Variants in COL26A1 observed in about 807,000 individuals in gnomAD.
COL26A1 encodes the protein collagen type XXVI alpha 1 chain.
A neutral mutation model predicts 59.3 loss-of-function variants in COL26A1; 41 were observed. The observed-to-expected ratio is 0.69, with a 90% CI of 0.54 to 0.90. The LOEUF is 0.90. Ranked by LOEUF, COL26A1 falls within the 40% of genes least tolerant of loss-of-function variation. COL26A1 has a pLI of 0.00. For missense variants in COL26A1, 612 were observed against 602.3 expected, an observed-to-expected ratio of 1.02 and a Z score of -0.17; for synonymous variants, 266 against 256.0, an observed-to-expected ratio of 1.04 and a Z score of -0.37.
chr7:101,442,903 G>T (rs1398148125), intron 2 of COL26A1, among the ~76,000 whole-genome samples: 2 of 152,028 alleles, frequency 1.3e-5, no homozygotes, highest in African/African-American at 4.8e-5. Flanking sequence ...GCACGAGTGT[G>T]CACACGAGTG....
chr7:101,549,623 C>A (rs1487175894), intron 9 of COL26A1, among the ~76,000 whole-genome samples: 1 of 152,216 alleles, frequency 6.6e-6, no homozygotes, highest in Non-Finnish European at 1.5e-5. Context: ...CTCAAGTAAT[C>A]CATCCGCCTC....
intron 1 of COL26A1, among the ~76,000 whole-genome samples, chr7:101,370,558 G>T (rs1054501570): frequency 9.9e-5 from 15 of 151,862 alleles, no homozygotes; most frequent in Non-Finnish European, 1.9e-4. Flanking sequence ...TTTTAGAAGA[G>T]ATGGGGTTTT....
intron 3 of COL26A1, among the ~76,000 whole-genome samples, chr7:101,472,247 C>T (rs940483823): frequency 6.6e-6 from 1 of 152,192 alleles, no homozygotes; most frequent in Non-Finnish European, 1.5e-5. Flanking sequence ...CTCAAGCAAT[C>T]TGCCGACCTT....
chr7:101,417,709 GATATCT>G (rs1562969498), intron 1 of COL26A1, among the ~76,000 whole-genome samples: 1 of 116,990 alleles, frequency 8.5e-6, no homozygotes, highest in African/African-American at 4.5e-5. Flanking sequence ...TATATCTATA[GATATCT>G]ATATCTATAA....
chr7:101,521,796 C>T (rs1859631), intron 3 of COL26A1, among the ~76,000 whole-genome samples: 3,064 of 152,178 alleles, frequency 0.02, 110 homozygotes, highest in African/African-American at 0.069. Flanking sequence ...ACTCTCCCCA[C>T]GGGTAACCAC....
chr7:101,520,662 A>ACACACACACACACACACACACAC (rs915256077), intron 3 of COL26A1, among the ~76,000 whole-genome samples: 28 of 143,350 alleles, frequency 2.0e-4, no homozygotes, highest in African/African-American at 6.7e-4. Context: ...ACACACACAC[A>ACACACACACACACACACACACAC]CCCCCGTGTT....
At chr7:101,444,638 C>T (rs946946354) in intron 2 of COL26A1, among the ~76,000 whole-genome samples, 1 of 151,886 alleles carries the variant, frequency 6.6e-6, no homozygotes, top group Non-Finnish European at 1.5e-5. Flanking sequence ...TGGTCTTGAA[C>T]TCCCGACCTC....
chr7:101,385,747 C>T (rs1055975038), intron 1 of COL26A1, among the ~76,000 whole-genome samples: 2 of 151,822 alleles, frequency 1.3e-5, no homozygotes, highest in Non-Finnish European at 2.9e-5. Flanking sequence ...CTCTGTCGCC[C>T]AGGTTGGAGT....
rs1554341000 is a variant in COL26A1, at chr7:101,520,664, C to CA, written c.386-12418_386-12417insA. Among the ~76,000 whole-genome samples the CA allele has an allele frequency of 2.4e-3, 228 of 95,950 alleles. 2 individuals carry two copies. The highest frequency in any genetic ancestry group is 9.6e-3 in the African/African-American group (204 of 21,324). 62.9% of individuals were successfully genotyped at this position (95,950 alleles called of 152,430 possible). A position where few individuals can be genotyped will look rare whatever the true frequency, so the allele number is the denominator to read the frequency against. ...CACACACACACACACACACACACAC[C>CA]CCCGTGTTCTTGCATGTTTTTGCTC... On this transcript the variant is annotated intron_variant, in intron 3 of 12. Coordinates refer to ENST00000313669, the MANE Select transcript of COL26A1 (RefSeq NM_001278563.3).
At chr7:101,502,903 T>G (rs1794734914) in intron 3 of COL26A1, among the ~76,000 whole-genome samples, 1 of 152,190 alleles carries the variant, frequency 6.6e-6, no homozygotes, top group South Asian at 2.1e-4. Context: ...GGGCGGGAGC[T>G]GCTCTACATG....
intron 1 of COL26A1, among the ~76,000 whole-genome samples, chr7:101,384,689 T>C (rs10248928): frequency 0.012 from 1,830 of 152,240 alleles, 38 homozygotes; most frequent in African/African-American, 0.042. Flanking sequence ...TAGGACTCTC[T>C]AGAGGGGCAG....
At chr7:101,551,326 G>C (rs969419758) in intron 10 of COL26A1, among the ~76,000 whole-genome samples, 183 bp downstream of exon 10, 4 of 152,162 alleles carry the variant, frequency 2.6e-5, no homozygotes, top group Non-Finnish European at 5.9e-5. Flanking sequence ...GGTGAGGAGG[G>C]AAGCGACCTC....
intron 1 of COL26A1, among the ~76,000 whole-genome samples, chr7:101,393,954 T>TC (rs1188028210): frequency 6.6e-6 from 1 of 152,054 alleles, no homozygotes; most frequent in Non-Finnish European, 1.5e-5. Flanking sequence ...AAAAAAATTT[T>TC]TTTTTTAGAG....
At position 101,523,726 on chromosome 7, in the gene COL26A1, C is replaced by A. The variant is rs113630568; in HGVS notation, c.386-9356C>A. ...TCTATTTGTCTAACTTTGTACCATCCATCTGTCTCGTGTCTTAATTACTAT... is the reference window on the plus strand; with the variant it reads ...TCTATTTGTCTAACTTTGTACCATCAATCTGTCTCGTGTCTTAATTACTAT... On this transcript the variant is annotated intron_variant, in intron 3 of 12. Coordinates refer to ENST00000313669, the MANE Select transcript of COL26A1 (RefSeq NM_001278563.3). 5.9e-3 allele frequency among the ~76,000 whole-genome samples: 901 copies of A among 152,036 alleles called. 10 individuals carry two copies. Among genetic ancestry groups the A allele is most frequent in the African/African-American group, 0.019 (808 of 41,476 alleles).
chr7:101,493,516 C>T (rs551574012), intron 3 of COL26A1, among the ~76,000 whole-genome samples: 1 of 152,160 alleles, frequency 6.6e-6, no homozygotes, highest in South Asian at 2.1e-4. Context: ...CCTCTTTGGC[C>T]GTCTGCTGAA....
Position 101,471,911 on chromosome 7 carries a change from G to A in COL26A1, c.385+24124G>A, listed in dbSNP as rs575141009. 3.3e-5 allele frequency among the ~76,000 whole-genome samples: 5 copies of A among 151,698 alleles called. No individual in the cohort carries two copies. The East Asian group carries it at 9.8e-4, about 30-fold the overall frequency. ...AGGTCTTACATGCTTTATTCCAAAG[G>A]TTTGTGATCAGGTTGTGACAGGCAA... is the stretch of plus-strand genomic sequence containing the variant. On this transcript the variant is annotated intron_variant, in intron 3 of 12. Transcript: ENST00000313669.
At chr7:101,515,297 T>C (rs1053421530) in intron 3 of COL26A1, among the ~76,000 whole-genome samples, 5 of 152,108 alleles carry the variant, frequency 3.3e-5, no homozygotes, top group Non-Finnish European at 5.9e-5. Context: ...ATTTTTTTTT[T>C]GAGACAGGGT....
At chr7:101,502,334 T>C (rs1563015530) in intron 3 of COL26A1, among the ~76,000 whole-genome samples, 1 of 152,062 alleles carries the variant, frequency 6.6e-6, no homozygotes, top group Non-Finnish European at 1.5e-5. Context: ...AGAGCAAGAC[T>C]CAGTCTCAAA....
At chr7:101,439,060 C>T (rs1297020192) in intron 2 of COL26A1, among the ~76,000 whole-genome samples, 1 of 152,214 alleles carries the variant, frequency 6.6e-6, no homozygotes, top group African/African-American at 2.4e-5. Context: ...GGCTCGCCCA[C>T]CTTCAGCTCA....
Sources: gnomAD v4.1 joint callset for allele counts (sites outside exome capture counted in the v4.1 genomes callset) on GRCh38, gnomAD v4.1.1 for gene constraint, MANE v1.5 for transcripts, NCBI Gene and HGNC (gene_info 2026-07-23, HGNC 2026-07-21) for gene names.